ZBTB20: variants seen among roughly 807,000 people sequenced by gnomAD.
ZBTB20 encodes the protein zinc finger and BTB domain containing 20.
Under a neutral mutation model 56.9 loss-of-function variants are expected in ZBTB20, and 9 were observed. The ratio of observed to expected loss-of-function variants is 0.16; its 90% CI spans 0.10 to 0.28. ZBTB20 has a LOEUF of 0.28. ZBTB20 is among the 10% of genes least tolerant of loss of function. ZBTB20 has a pLI of 1.00. For missense variants in ZBTB20, 655 were observed against 1,003.0 expected (o/e 0.65, Z 4.69); for synonymous variants, 417 against 420.7 (o/e 0.99, Z 0.11).
At chr3:115,094,132 A>G (rs2083296186) in intron 1 of ZBTB20, among the ~76,000 whole-genome samples, 2 of 152,062 alleles carry the variant, frequency 1.3e-5, no homozygotes, top group Admixed American at 1.3e-4. Flanking sequence ...GAGGGGATAA[A>G]GATCACTGTT....
At chr3:115,032,448 A>G (rs762813225) in intron 2 of ZBTB20, among the ~76,000 whole-genome samples, 12 of 151,468 alleles carry the variant, frequency 7.9e-5, no homozygotes, top group Admixed American at 4.6e-4. Context: ...AATATTATAG[A>G]TATTTTCTGG....
intron 6 of ZBTB20, among the ~76,000 whole-genome samples, chr3:114,677,298 T>C (rs1387501204): frequency 2.0e-5 from 3 of 152,180 alleles, no homozygotes; most frequent in Non-Finnish European, 4.4e-5. Context: ...AATAAACTAA[T>C]GTGGCCTTGA....
chr3:114,645,958 G>A (rs756926846), intron 6 of ZBTB20, among the ~76,000 whole-genome samples: 7 of 151,926 alleles, frequency 4.6e-5, no homozygotes, highest in Non-Finnish European at 8.8e-5. Flanking sequence ...ATGGCATAAA[G>A]TCCAAAGCAC....
intron 2 of ZBTB20, among the ~76,000 whole-genome samples, chr3:115,069,995 C>G (rs569489531): frequency 6.6e-6 from 1 of 151,858 alleles, no homozygotes; most frequent in Non-Finnish European, 1.5e-5. Flanking sequence ...ATTTACTAAC[C>G]CTTTGATGTA....
Position 114,335,205 on chromosome 3 carries a change from A to G in ZBTB20, c.*3800T>C, listed in dbSNP as rs1301035393. 1 of 152,044 alleles carries G rather than the reference A, an allele frequency of 6.6e-6. No individual in the cohort carries two copies. Among genetic ancestry groups the G allele is most frequent in the Non-Finnish European group, 1.5e-5 (1 of 68,000 alleles). The allele number at this position is 152,044 out of a possible 1,614,324, so 9.4% of individuals were successfully genotyped here. Reference sequence around the variant, plus strand: ...TGCTAAAAAATGTCCTTTCCATACTATTTCTCTCTTCCTTGTACTCATCCT... The same window carrying G: ...TGCTAAAAAATGTCCTTTCCATACTGTTTCTCTCTTCCTTGTACTCATCCT... On this transcript the variant is annotated 3_prime_UTR_variant, in exon 12 of 12. Coordinates refer to ENST00000675478, the MANE Select transcript of ZBTB20 (RefSeq NM_001348800.3).
At chr3:114,927,623 A>T (rs1576347030) in intron 3 of ZBTB20, among the ~76,000 whole-genome samples, 2 of 152,248 alleles carry the variant, frequency 1.3e-5, no homozygotes, top group African/African-American at 4.8e-5. Context: ...ACTAATGCAT[A>T]CCACATCTCA....
intron 11 of ZBTB20, among the ~76,000 whole-genome samples, chr3:114,346,776 T>C (rs7640344): frequency 0.98 from 149,238 of 151,558 alleles, 73,487 homozygotes; most frequent in East Asian, 1. Flanking sequence ...ACCTCTGCCT[T>C]CTGGGCTCAA....
At chr3:114,519,337 G>GA (rs372608444) in intron 6 of ZBTB20, among the ~76,000 whole-genome samples, 2,229 of 151,230 alleles carry the variant, frequency 0.015, 20 homozygotes, top group African/African-American at 0.031. Flanking sequence ...GTATCTGCAG[G>GA]AAAAAAAAAT....
intron 5 of ZBTB20, among the ~76,000 whole-genome samples, chr3:114,778,375 A>G (rs2069795503): frequency 6.6e-6 from 1 of 151,516 alleles, no homozygotes. Context: ...CAACAACAAA[A>G]AACCCAATAA....
chr3:114,370,086 C>A (rs1004886807), intron 10 of ZBTB20, among the ~76,000 whole-genome samples: 1 of 152,120 alleles, frequency 6.6e-6, no homozygotes, highest in African/African-American at 2.4e-5. Context: ...TGGGTAGTGC[C>A]TTCAAATTCC....
intron 7 of ZBTB20, among the ~76,000 whole-genome samples, chr3:114,450,765 C>G (rs1186509989): frequency 2.0e-5 from 3 of 152,004 alleles, no homozygotes; most frequent in Admixed American, 2.0e-4. Flanking sequence ...TCAGAACTCT[C>G]TAAAGCCGAA....
chr3:114,427,851 G>A (rs1241628630), intron 7 of ZBTB20, among the ~76,000 whole-genome samples: 3 of 152,150 alleles, frequency 2.0e-5, no homozygotes, highest in Non-Finnish European at 2.9e-5. Flanking sequence ...CAGAGCACTC[G>A]TTTTGGCAAT....
intron 6 of ZBTB20, among the ~76,000 whole-genome samples, chr3:114,510,871 G>C (rs900153753): frequency 6.6e-6 from 1 of 151,958 alleles, no homozygotes; most frequent in Non-Finnish European, 1.5e-5. Context: ...TCCCTATCCC[G>C]AATAGCTTCA....
At chr3:114,841,635 T>C (rs2074387333) in intron 4 of ZBTB20, among the ~76,000 whole-genome samples, 1 of 152,046 alleles carries the variant, frequency 6.6e-6, no homozygotes, top group Non-Finnish European at 1.5e-5. Context: ...GTACAGGATA[T>C]GGAAAAGGTA....
intron 1 of ZBTB20, among the ~76,000 whole-genome samples, chr3:115,073,215 C>T (rs1346300582): frequency 6.6e-6 from 1 of 152,138 alleles, no homozygotes; most frequent in Admixed American, 6.5e-5. Context: ...GCATTGCTTC[C>T]TCAAAAGATT....
At chr3:114,697,065 A>G (rs2063076106) in intron 5 of ZBTB20, among the ~76,000 whole-genome samples, 1 of 142,450 alleles carries the variant, frequency 7.0e-6, no homozygotes, top group African/African-American at 2.5e-5. Context: ...CTTTGTTAAA[A>G]AAAAAAAAAA....
At chr3:114,914,867 T>G (rs1261203596) in intron 3 of ZBTB20, among the ~76,000 whole-genome samples, 1 of 151,916 alleles carries the variant, frequency 6.6e-6, no homozygotes, top group Non-Finnish European at 1.5e-5. Flanking sequence ...TATGTGGTAT[T>G]ATATTGATTG....
chr3:114,770,206 A>G (rs1250223877), intron 5 of ZBTB20, among the ~76,000 whole-genome samples: 1 of 151,304 alleles, frequency 6.6e-6, no homozygotes, highest in African/African-American at 2.4e-5. Context: ...TAAAGAACTT[A>G]CTCGTATAGA....
intron 4 of ZBTB20, among the ~76,000 whole-genome samples, chr3:114,879,255 A>G (rs1282707836): frequency 6.6e-6 from 1 of 152,180 alleles, no homozygotes; most frequent in Non-Finnish European, 1.5e-5. Context: ...GCGATCTTGA[A>G]GCATGTCTGA....
Sources: allele counts gnomAD v4.1 joint callset (sites outside exome capture counted in the v4.1 genomes callset), GRCh38; gene constraint gnomAD v4.1.1; transcripts MANE v1.5; gene names NCBI Gene and HGNC (gene_info 2026-07-23, HGNC 2026-07-21).